VAV3: variants seen among roughly 807,000 people sequenced by gnomAD.
The protein encoded by VAV3 is vav guanine nucleotide exchange factor 3.
A neutral mutation model predicts 131.2 loss-of-function variants in VAV3; 94 were observed. The observed-to-expected ratio is 0.72, with a 90% confidence interval of 0.61 to 0.85. The LOEUF is 0.85. VAV3 is among the 40% of genes least tolerant of loss of function. The pLI is 0.00. For synonymous variants in VAV3, 349 were observed against 342.0 expected (o/e 1.02, Z -0.22); for missense variants, 939 against 1,002.7 (o/e 0.94, Z 0.86).
At chr1:107,691,981 T>C (rs1659456077) in intron 17 of VAV3, among the ~76,000 whole-genome samples, 1 of 152,304 alleles carries the variant, frequency 6.6e-6, no homozygotes, top group South Asian at 2.1e-4. Flanking sequence ...CAAGTGGCTC[T>C]CAATTCATAC....
At chr1:107,669,478 A>G (rs1013301102) in intron 19 of VAV3, 51 of 1,282,786 alleles carry the variant, frequency 4.0e-5, no homozygotes, top group Non-Finnish European at 4.9e-5. Flanking sequence ...CACATCTAAT[A>G]AAGACAAGAA....
chr1:107,585,413 C>T (rs1370231085), intron 25 of VAV3, among the ~76,000 whole-genome samples: 3 of 152,146 alleles, frequency 2.0e-5, no homozygotes, highest in South Asian at 2.1e-4. Flanking sequence ...ACTTTAAAGA[C>T]AGACCATGTT....
intron 1 of VAV3, among the ~76,000 whole-genome samples, chr1:107,921,320 C>G (rs190653230): frequency 1.4e-4 from 22 of 152,340 alleles, no homozygotes; most frequent in Admixed American, 2.6e-4. Context: ...GCATCACATA[C>G]TTTAGTGAAA....
chr1:107,708,293 T>C (rs563062075), intron 15 of VAV3, among the ~76,000 whole-genome samples: 4 of 152,306 alleles, frequency 2.6e-5, no homozygotes, highest in South Asian at 2.1e-4. Context: ...GGGTTGTCTA[T>C]AGATGAGTGC....
intron 25 of VAV3, chr1:107,576,506 A>G: frequency 6.7e-7 from 1 of 1,493,026 alleles, no homozygotes; most frequent in African/African-American, 1.4e-5. Context: ...GAGAGAAGCA[A>G]AAGAGCATTT....
intron 6 of VAV3, among the ~76,000 whole-genome samples, chr1:107,769,477 A>G (rs1218543581): frequency 2.6e-5 from 4 of 152,044 alleles, no homozygotes; most frequent in African/African-American, 9.7e-5. Context: ...TCTTTCCCTA[A>G]CCTCTAAATG....
chr1:107,812,811 TAAG>T (rs1667382309), intron 2 of VAV3, among the ~76,000 whole-genome samples: 1 of 152,020 alleles, frequency 6.6e-6, no homozygotes, highest in Non-Finnish European at 1.5e-5. Context: ...GGAAGAGATA[TAAG>T]AATACAGGAA....
intron 10 of VAV3, among the ~76,000 whole-genome samples, 200 bp from the exon 11 acceptor site, chr1:107,757,529 TATGAG>T (rs1664180268): frequency 1.3e-5 from 2 of 152,130 alleles, no homozygotes; most frequent in African/African-American, 4.8e-5. Flanking sequence ...TGAGACACAA[TATGAG>T]ATATTTTCTT....
chr1:107,715,834 C>T (rs1661059365), intron 15 of VAV3, among the ~76,000 whole-genome samples: 1 of 152,150 alleles, frequency 6.6e-6, no homozygotes, highest in Admixed American at 6.6e-5. Context: ...ATAATTCAAA[C>T]ACTGCAGATA....
At chr1:107,689,057 T>C (rs929366192) in intron 17 of VAV3, among the ~76,000 whole-genome samples, 1 of 152,136 alleles carries the variant, frequency 6.6e-6, no homozygotes, top group Admixed American at 6.6e-5. Flanking sequence ...TGCCTAATGG[T>C]TATAAGGGCC....
intron 2 of VAV3, among the ~76,000 whole-genome samples, chr1:107,863,009 C>T (rs1669810927): frequency 1.3e-5 from 2 of 151,996 alleles, no homozygotes; most frequent in African/African-American, 4.8e-5. Flanking sequence ...TTTAGGATGG[C>T]ACAATATAGC....
intron 2 of VAV3, among the ~76,000 whole-genome samples, chr1:107,850,218 T>G (rs895465224): frequency 6.6e-6 from 1 of 152,212 alleles, no homozygotes; most frequent in Non-Finnish European, 1.5e-5. Context: ...ATCCCATTAC[T>G]GGGTATATAC....
At chr1:107,597,102 A>G (rs1651454957) in intron 24 of VAV3, among the ~76,000 whole-genome samples, 1 of 152,164 alleles carries the variant, frequency 6.6e-6, no homozygotes, top group African/African-American at 2.4e-5. Context: ...AATGTATCTT[A>G]TCATCAAATG....
At chr1:107,923,079 T>C (rs1284712664) in intron 1 of VAV3, among the ~76,000 whole-genome samples, 1 of 152,152 alleles carries the variant, frequency 6.6e-6, no homozygotes, top group Non-Finnish European at 1.5e-5. Flanking sequence ...CTTGCAGAGT[T>C]TTTTTATGCT....
At chr1:107,601,147 T>C (rs556513581) in intron 24 of VAV3, among the ~76,000 whole-genome samples, 1 of 152,264 alleles carries the variant, frequency 6.6e-6, no homozygotes, top group East Asian at 1.9e-4. Flanking sequence ...CCTCCTCTGG[T>C]CCAATTCTCT....
intron 21 of VAV3, among the ~76,000 whole-genome samples, chr1:107,612,881 T>C (rs1035110307): frequency 1.3e-5 from 2 of 152,154 alleles, no homozygotes; most frequent in Non-Finnish European, 2.9e-5. Context: ...ATCTGAATTT[T>C]AGCTACCCTG....
rs942086158 is a variant in VAV3, at chr1:107,641,372, C to T, written c.1914+1247G>A. 1.1e-4 allele frequency among the ~76,000 whole-genome samples: 17 copies of T among 152,312 alleles called. No individual in the cohort carries two copies. The South Asian group carries it at 2.5e-3, about 22-fold the overall frequency. On this transcript the variant is annotated intron_variant, in intron 20 of 26. Coordinates refer to ENST00000370056, the MANE Select transcript of VAV3 (RefSeq NM_006113.5). Reference sequence around the variant, plus strand: ...TCTAACCACATTTCACTCGTGATAACCTTTCTGTTGGTCCTCACTTATTTT... The same window carrying T: ...TCTAACCACATTTCACTCGTGATAATCTTTCTGTTGGTCCTCACTTATTTT...
intron 2 of VAV3, among the ~76,000 whole-genome samples, chr1:107,811,180 G>GA (rs35530764): frequency 2.0e-5 from 3 of 151,804 alleles, no homozygotes; most frequent in East Asian, 3.9e-4. Context: ...TCCACACTCA[G>GA]AAAAAAAAGT....
At chr1:107,851,628 G>A (rs1669237692) in intron 2 of VAV3, among the ~76,000 whole-genome samples, 1 of 152,118 alleles carries the variant, frequency 6.6e-6, no homozygotes, top group Non-Finnish European at 1.5e-5. Flanking sequence ...GGAAACAGAA[G>A]TGCTCCCACA....
Sources: gnomAD v4.1 joint callset for allele counts (sites outside exome capture counted in the v4.1 genomes callset) on GRCh38, gnomAD v4.1.1 for gene constraint, MANE v1.5 for transcripts, NCBI Gene and HGNC (gene_info 2026-07-23, HGNC 2026-07-21) for gene names.